The following IL21R variants were observed in gnomAD, a reference collection of about 807,000 sequenced individuals.
IL21R encodes interleukin 21 receptor, also known as interleukin-21 receptor.
Under a neutral mutation model 41.3 loss-of-function variants are expected in IL21R, and 14 were observed. That is an observed-to-expected ratio of 0.34 (90% confidence interval 0.22 to 0.53). IL21R has a LOEUF of 0.53. Among genes scored for constraint, IL21R ranks in the 20% least tolerant of loss-of-function variants. The probability of loss-of-function intolerance (pLI) is 0.94; values close to 1 mark genes in which losing one functional copy is unlikely to be tolerated. For synonymous variants in IL21R, 286 were observed against 287.6 expected (o/e 0.99, Z 0.05); for missense variants, 588 against 681.6 (o/e 0.86, Z 1.53).
At chr16:27,411,545 CT>C (rs1420300113) in intron 1 of IL21R, among the ~76,000 whole-genome samples, 4 of 143,994 alleles carry the variant, frequency 2.8e-5, no homozygotes, top group Admixed American at 7.3e-5. Flanking sequence ...TCACTGCAAC[CT>C]CCGCCTCCCA....
rs1013246995 is a variant in IL21R, at chr16:27,449,848, G to T, written c.*565G>T. 8 of 233,628 alleles carry T rather than the reference G, an allele frequency of 3.4e-5. No homozygotes were observed. Among genetic ancestry groups the T allele is most frequent in the Non-Finnish European group, 6.8e-5 (8 of 118,430 alleles). 14.5% of individuals were successfully genotyped at this position (233,628 alleles called of 1,614,324 possible). ...AAAGGGGATGGAGTGAGCCCATGGTGACCTCGGGAATGGCAATTTTTTGGG... is the reference window on the plus strand; with the variant it reads ...AAAGGGGATGGAGTGAGCCCATGGTTACCTCGGGAATGGCAATTTTTTGGG... On this transcript the variant is annotated 3_prime_UTR_variant, in exon 9 of 9. Transcript: ENST00000337929.
At chr16:27,419,820 TTATTATTA>T (rs1567359767) in intron 1 of IL21R, among the ~76,000 whole-genome samples, 2 of 8,094 alleles carry the variant, frequency 2.5e-4, no homozygotes, top group Non-Finnish European at 4.9e-4. Context: ...ACATAGTTTA[TTATTATTA>T]TTATTATTAT....
At chr16:27,434,860 G>A (rs1474852331) in intron 3 of IL21R, among the ~76,000 whole-genome samples, 3 of 152,152 alleles carry the variant, frequency 2.0e-5, no homozygotes, top group Admixed American at 6.5e-5. Flanking sequence ...CTGGAGCTGG[G>A]ATTCAAATTC....
At chr16:27,431,779 C>G (rs1373415005) in intron 2 of IL21R, among the ~76,000 whole-genome samples, 1 of 152,018 alleles carries the variant, frequency 6.6e-6, no homozygotes, top group South Asian at 2.1e-4. Context: ...GCCTCCCGAG[C>G]AGCTGGGATA....
chr16:27,449,114 C>A lies in IL21R; in HGVS notation c.1448C>A (p.Ala483Asp), dbSNP rs1343561137. The A allele has an allele frequency of 1.2e-6, 2 of 1,613,438 alleles. No individual in the cohort carries two copies. Among genetic ancestry groups the A allele is most frequent in the Non-Finnish European group, 1.7e-6 (2 of 1,179,986 alleles). The change falls in exon 9 of 9, where the codon GCC becomes GAC. Residue 483 changes from alanine to aspartate, a missense_variant. By Grantham distance (126) the Ala-to-Asp change is moderately radical (BLOSUM62 -2). Coordinates refer to ENST00000337929, the MANE Select transcript of IL21R (RefSeq NM_181078.3). ...VSESEAGSPL[A>D]GLDMDTFDSG... The stretch of plus-strand genomic sequence containing the variant: ...GAGAGTGAGGCGGGCTCACCCCTGG[C>A]CGGCCTGGATATGGACACGTTTGAC...
At chr16:27,436,614 T>TTCAAAC (rs1328971549) in intron 3 of IL21R, among the ~76,000 whole-genome samples, 1 of 152,192 alleles carries the variant, frequency 6.6e-6, no homozygotes. Flanking sequence ...GGTAAACTAC[T>TTCAAAC]ATACATACTT....
intron 1 of IL21R, among the ~76,000 whole-genome samples, chr16:27,423,605 C>T (rs1344456119): frequency 6.6e-6 from 1 of 152,138 alleles, no homozygotes; most frequent in Non-Finnish European, 1.5e-5. Flanking sequence ...AGTGTGGTGT[C>T]AATGGTGTTA....
At chr16:27,403,717 C>T (rs557774492) in intron 1 of IL21R, among the ~76,000 whole-genome samples, 2 of 152,268 alleles carry the variant, frequency 1.3e-5, no homozygotes, top group East Asian at 3.9e-4. Flanking sequence ...GAGTTTGTGG[C>T]ATGAGAAGCT....
At chr16:27,440,225 A>ATC (rs2087356540) in intron 4 of IL21R, among the ~76,000 whole-genome samples, 1 of 43,632 alleles carries the variant, frequency 2.3e-5, no homozygotes, top group Non-Finnish European at 4.5e-5. Flanking sequence ...TCTGACAAAT[A>ATC]TATATATATA....
At chr16:27,403,344 A>G (rs772839227) in intron 1 of IL21R, 18 of 934,406 alleles carry the variant, frequency 1.9e-5, no homozygotes, top group Non-Finnish European at 2.3e-5. Context: ...GGGGAGCGGG[A>G]ACTTAGGACT....
chr16:27,430,663 A>C (rs1195435499), intron 2 of IL21R, among the ~76,000 whole-genome samples: 2 of 152,016 alleles, frequency 1.3e-5, no homozygotes, highest in Non-Finnish European at 2.9e-5. Flanking sequence ...AAAAGAAAAA[A>C]AATTAGCCAG....
rs373735352 is a variant in IL21R, at chr16:27,434,378, C to T, written c.81C>T (p.Thr27=). 237 of 1,613,816 alleles carry T rather than the reference C, an allele frequency of 1.5e-4. No homozygotes were observed. Among genetic ancestry groups the T allele is most frequent in the Non-Finnish European group, 1.8e-4 (211 of 1,179,918 alleles). Residue 27 remains threonine (T), a synonymous_variant, in exon 3 of 9, where the codon ACC becomes ACT. Coordinates refer to ENST00000337929, the MANE Select transcript of IL21R (RefSeq NM_181078.3). ...GWGCPDLVCY[T]DYLQTVICIL... is the part of the protein sequence containing the mutation. Reference sequence around the variant, plus strand: ...GCTGCCCCGACCTCGTCTGCTACACCGATTACCTCCAGACGGTCATCTGCA... The same window carrying T: ...GCTGCCCCGACCTCGTCTGCTACACTGATTACCTCCAGACGGTCATCTGCA...
intron 4 of IL21R, among the ~76,000 whole-genome samples, chr16:27,440,063 A>G (rs1431192758): frequency 6.6e-6 from 1 of 151,982 alleles, no homozygotes; most frequent in Non-Finnish European, 1.5e-5. Flanking sequence ...TTACTGGAAC[A>G]GCAACAGCAA....
rs751179195 is a variant in IL21R, at chr16:27,448,547, C to T, written c.881C>T (p.Ala294Val). ...TCTCTCTCACAGAAATGGGTGGGTGCACCCTTCACTGGCTCCAGCCTGGAG... is the reference window on the plus strand; with the variant it reads ...TCTCTCTCACAGAAATGGGTGGGTGTACCCTTCACTGGCTCCAGCCTGGAG... ...CSGDFKKWVGAPFTGSSLELG... is the reference protein window; with the variant it reads ...CSGDFKKWVGVPFTGSSLELG... The change falls in exon 9 of 9, where the codon GCA (alanine) becomes GTA (valine). Residue 294 changes from alanine to valine, a missense_variant. Ala to Val is a moderately conservative substitution (Grantham distance 64). Transcript: ENST00000337929. 6 of 1,605,252 alleles carry T rather than the reference C, an allele frequency of 3.7e-6. No homozygotes were observed. The highest frequency in any genetic ancestry group is 2.2e-5 in the South Asian group (2 of 90,108).
intron 1 of IL21R, among the ~76,000 whole-genome samples, chr16:27,415,771 A>G (rs778462924): frequency 6.6e-6 from 1 of 151,840 alleles, no homozygotes; most frequent in Non-Finnish European, 1.5e-5. Flanking sequence ...ACGATCACCC[A>G]TTTTTCTTTA....
chr16:27,426,088 T>C (rs909040388), intron 1 of IL21R, among the ~76,000 whole-genome samples: 1 of 152,236 alleles, frequency 6.6e-6, no homozygotes, highest in Admixed American at 6.5e-5. Flanking sequence ...TGTTGACTAA[T>C]TTAATTCTCC....
chr16:27,411,220 G>A (rs970650876), intron 1 of IL21R, among the ~76,000 whole-genome samples: 24 of 151,216 alleles, frequency 1.6e-4, no homozygotes, highest in Admixed American at 1.5e-3. Context: ...TTAAAGTTTC[G>A]CATCATTTTA....
At position 27,448,510 on chromosome 16, in the gene IL21R, ACT is replaced by A. The variant is rs758813303; in HGVS notation, c.868-17_868-16del. ...CACCTTACCCTCATCCTGTGCTATG[ACT>A]CTCTCTTTTTCTCTCTCACAGAAAT... On this transcript the variant is annotated intron_variant, in intron 8 of 8. Coordinates refer to ENST00000337929, the MANE Select transcript of IL21R (RefSeq NM_181078.3). 5 of 1,570,940 alleles carry A rather than the reference ACT, an allele frequency of 3.2e-6. No individual in the cohort carries two copies. In the South Asian group the frequency reaches 3.5e-5, roughly 11 times the overall value.
chr16:27,449,705 G>C lies in IL21R; in HGVS notation c.*422G>C. On this transcript the variant is annotated 3_prime_UTR_variant, in exon 9 of 9. Coordinates refer to ENST00000337929, the MANE Select transcript of IL21R (RefSeq NM_181078.3). ...TTGCAAGTTGGTCCACAGCATCTCC[G>C]GGGCTTTGTGGGATCAGGGCATTGC... The C allele has an allele frequency of 3.9e-6, 1 of 253,410 alleles. No homozygotes were observed. The highest frequency in any genetic ancestry group is 7.7e-6 in the Non-Finnish European group (1 of 130,278). 15.7% of individuals were successfully genotyped at this position (253,410 alleles called of 1,614,324 possible).
Sources: allele counts gnomAD v4.1 joint callset (sites outside exome capture counted in the v4.1 genomes callset), GRCh38; gene constraint gnomAD v4.1.1; transcripts MANE v1.5; gene names NCBI Gene and HGNC (gene_info 2026-07-23, HGNC 2026-07-21).